Variants in SORBS2 observed in about 807,000 individuals in gnomAD.
SORBS2 encodes sorbin and SH3 domain-containing protein 2.
Under a neutral mutation model 97.7 loss-of-function variants are expected in SORBS2, and 46 were observed. The observed-to-expected ratio is 0.47, with a 90% CI of 0.37 to 0.60. The LOEUF is 0.60. Among genes scored for constraint, SORBS2 ranks in the 20% least tolerant of loss-of-function variants. SORBS2 has a pLI of 0.00. For synonymous variants in SORBS2, 476 were observed against 473.4 expected, an observed-to-expected ratio of 1.01 and a Z score of -0.07; for missense variants, 1,316 against 1,282.3, an observed-to-expected ratio of 1.03 and a Z score of -0.40.
At chr4:185,744,492 T>G (rs557924808) in intron 2 of SORBS2, among the ~76,000 whole-genome samples, 1 of 152,366 alleles carries the variant, frequency 6.6e-6, no homozygotes, top group South Asian at 2.1e-4. Flanking sequence ...TTTGGTTGAA[T>G]TTCATAGAAG....
At chr4:185,915,201 C>T (rs115754649) in intron 1 of SORBS2, among the ~76,000 whole-genome samples, 88 of 152,258 alleles carry the variant, frequency 5.8e-4, no homozygotes, top group Admixed American at 8.5e-4. Flanking sequence ...AAGAAGTGGA[C>T]GATGACTTTA....
At chr4:185,693,439 A>G (rs1227994643) in intron 2 of SORBS2, among the ~76,000 whole-genome samples, 1 of 152,196 alleles carries the variant, frequency 6.6e-6, no homozygotes, top group African/African-American at 2.4e-5. Flanking sequence ...TCTTGGTAGC[A>G]AAACTCCTAA....
chr4:185,809,455 CAAAAAA>C lies in SORBS2; in HGVS notation c.-337-34095_-337-34090del, dbSNP rs55713465. 8.9e-3 allele frequency among the ~76,000 whole-genome samples: 421 copies of C among 47,278 alleles called. 3 individuals carry two copies. Among genetic ancestry groups the C allele is most frequent in the African/African-American group, 0.035 (403 of 11,548 alleles). The allele number at this position is 47,278 out of a possible 152,430, so 31.0% of individuals were successfully genotyped here. Reference sequence around the variant, plus strand: ...GACTCTTCAGGGGGCACTGCATTTGCAAAAAAAAAAAAAAAAAAAAAAAAAAATCTG... The same window carrying C: ...GACTCTTCAGGGGGCACTGCATTTGCAAAAAAAAAAAAAAAAAAAAATCTG... On this transcript the variant is annotated intron_variant, in intron 1 of 20. Coordinates refer to the SORBS2 transcript ENST00000284776.
At chr4:185,845,863 C>T (rs1342189069) in intron 1 of SORBS2, among the ~76,000 whole-genome samples, 1 of 152,154 alleles carries the variant, frequency 6.6e-6, no homozygotes, top group African/African-American at 2.4e-5. Flanking sequence ...TATTACACAC[C>T]TTTCAACTGG....
At chr4:185,655,843 C>G (rs2097392005) in intron 1 of SORBS2, among the ~76,000 whole-genome samples, 1 of 152,076 alleles carries the variant, frequency 6.6e-6, no homozygotes, top group African/African-American at 2.4e-5. Flanking sequence ...GCTTGCATGT[C>G]CATTATATAT....
At chr4:185,748,963 C>G (rs1008870969) in intron 2 of SORBS2, among the ~76,000 whole-genome samples, 7 of 152,126 alleles carry the variant, frequency 4.6e-5, no homozygotes, top group African/African-American at 1.7e-4. Context: ...TGCAGGAGAG[C>G]CCCAAGCTAA....
At chr4:185,865,015 G>A (rs2099226030) in intron 1 of SORBS2, among the ~76,000 whole-genome samples, 1 of 152,018 alleles carries the variant, frequency 6.6e-6, no homozygotes, top group South Asian at 2.1e-4. Flanking sequence ...AGGAGGAGCC[G>A]ATGCTTTGGG....
intron 1 of SORBS2, among the ~76,000 whole-genome samples, chr4:185,792,228 C>T (rs2099083323): frequency 6.6e-6 from 1 of 152,138 alleles, no homozygotes; most frequent in Non-Finnish European, 1.5e-5. Context: ...GGCGTGGTGG[C>T]TTACGCCTAT....
chr4:185,890,134 A>G (rs2149799928), intron 1 of SORBS2, among the ~76,000 whole-genome samples: 1 of 152,106 alleles, frequency 6.6e-6, no homozygotes, highest in South Asian at 2.1e-4. Flanking sequence ...TGATCCACCC[A>G]CCTCAGCCTC....
At position 185,806,042 on chromosome 4, in the gene SORBS2, T is replaced by G; in HGVS notation, c.-337-30676A>C. On this transcript the variant is annotated intron_variant, in intron 1 of 20. Coordinates refer to the SORBS2 transcript ENST00000284776. ...TTAGTAGCATAAAGTGTAGGCAACC[T>G]GTATGAAGTATAAATATCTGGTATT... Among the ~76,000 whole-genome samples the G allele has an allele frequency of 2.0e-5, 3 of 152,358 alleles. No homozygotes were observed. The Middle Eastern group carries it at 0.01, about 518-fold the overall frequency.
intron 2 of SORBS2, among the ~76,000 whole-genome samples, chr4:185,740,891 A>G (rs1010830627): frequency 6.6e-6 from 1 of 152,034 alleles, no homozygotes; most frequent in African/African-American, 2.4e-5. Context: ...TCGGACCAGC[A>G]CTAACTCGGA....
chr4:185,593,560 G>A (rs1301804460), intron 13 of SORBS2: 2 of 289,252 alleles, frequency 6.9e-6, no homozygotes, highest in African/African-American at 4.5e-5. Flanking sequence ...TGTTCTGTAT[G>A]TCTTTGAAGC....
intron 4 of SORBS2, among the ~76,000 whole-genome samples, chr4:185,636,617 G>A (rs2097007773): frequency 6.6e-6 from 1 of 151,838 alleles, no homozygotes; most frequent in Non-Finnish European, 1.5e-5. Flanking sequence ...TTCCTAATCA[G>A]GGAAGTTGTT....
At chr4:185,755,143 C>G (rs2098823239) in intron 2 of SORBS2, among the ~76,000 whole-genome samples, 1 of 152,236 alleles carries the variant, frequency 6.6e-6, no homozygotes, top group African/African-American at 2.4e-5. Context: ...TAGGCTACGT[C>G]AAGATGACCA....
intron 1 of SORBS2, among the ~76,000 whole-genome samples, chr4:185,869,687 T>TA (rs2099229306): frequency 6.6e-6 from 1 of 152,206 alleles, no homozygotes; most frequent in Non-Finnish European, 1.5e-5. Flanking sequence ...GTTCTCTTAC[T>TA]AAGAAAGGAA....
Position 185,850,063 on chromosome 4 carries a change from T to C in SORBS2, c.-337-74697A>G, listed in dbSNP as rs549753320. ...GGCCTGTGCAGATACTGATTTAGAATTGGTCTCTGGCTTGTTATGAAACGA... is the reference window on the plus strand; with the variant it reads ...GGCCTGTGCAGATACTGATTTAGAACTGGTCTCTGGCTTGTTATGAAACGA... On this transcript the variant is annotated intron_variant, in intron 1 of 20. Coordinates refer to the SORBS2 transcript ENST00000284776. Among the ~76,000 whole-genome samples the C allele has an allele frequency of 1.7e-3, 265 of 152,308 alleles. 1 individual carries two copies. The highest frequency in any genetic ancestry group is 6.0e-3 in the African/African-American group (248 of 41,554).
intron 1 of SORBS2, among the ~76,000 whole-genome samples, chr4:185,800,410 C>G (rs183257699): frequency 5.9e-5 from 9 of 152,114 alleles, no homozygotes; most frequent in African/African-American, 2.2e-4. Flanking sequence ...CCTGGGCGTC[C>G]GCTGGGAACT....
chr4:185,874,180 C>T (rs922257920), intron 1 of SORBS2, among the ~76,000 whole-genome samples: 6 of 152,092 alleles, frequency 3.9e-5, no homozygotes, highest in African/African-American at 7.2e-5. Flanking sequence ...TTTGCTGAGG[C>T]GCTGGAACAT....
chr4:185,890,823 T>G (rs975464188), intron 1 of SORBS2, among the ~76,000 whole-genome samples: 2 of 152,218 alleles, frequency 1.3e-5, no homozygotes, highest in African/African-American at 4.8e-5. Context: ...TGTGTGGAAT[T>G]CCAATGCCTA....
Sources: allele counts gnomAD v4.1 joint callset (sites outside exome capture counted in the v4.1 genomes callset), GRCh38; gene constraint gnomAD v4.1.1; transcripts MANE v1.5; gene names NCBI Gene and HGNC (gene_info 2026-07-23, HGNC 2026-07-21).